WNK1: variants seen among roughly 807,000 people sequenced by gnomAD.
WNK1 encodes serine/threonine-protein kinase WNK1.
A neutral mutation model predicts 222.8 loss-of-function variants in WNK1; 38 were observed. The ratio of observed to expected loss-of-function variants is 0.17; its 90% CI spans 0.13 to 0.22. The LOEUF (loss-of-function observed/expected upper bound fraction) is 0.22. Among genes scored for constraint, WNK1 ranks in the 10% least tolerant of loss-of-function variants. The probability of loss-of-function intolerance (pLI) is 1.00; values close to 1 mark genes in which losing one functional copy is unlikely to be tolerated. For synonymous variants in WNK1, 1,090 were observed against 1,092.9 expected (o/e 1.00, Z 0.05); for missense variants, 2,348 against 2,918.4 (o/e 0.80, Z 4.50).
At chr12:804,553 A>G (rs1477314378) in intron 1 of WNK1, among the ~76,000 whole-genome samples, 1 of 151,880 alleles carries the variant, frequency 6.6e-6, no homozygotes, top group Non-Finnish European at 1.5e-5. Flanking sequence ...TTGTATTTTT[A>G]GTAGAGGTGG....
rs951362540 is a variant in WNK1, at chr12:787,961, A to T, written c.760-25681A>T. On this transcript the variant is annotated intron_variant, in intron 1 of 27. Transcript: ENST00000315939. ...ATATGTAATTTCAAGGAATTAGTTT[A>T]CTTGGTTGTTGGGGCTGGCAAGTCT... Among the ~76,000 whole-genome samples the T allele has an allele frequency of 3.3e-5, 5 of 152,272 alleles. No homozygotes were observed. The South Asian group carries it at 1.0e-3, about 32-fold the overall frequency.
chr12:908,861 G>GGGGGGGGGGGGGGCCCC lies in WNK1; in HGVS notation c.*69_*70insGGGGGGGGGGGGGCCCC. On this transcript the variant is annotated 3_prime_UTR_variant, in exon 28 of 28. Coordinates refer to ENST00000315939, the MANE Select transcript of WNK1 (RefSeq NM_018979.4). ...ATGCTGAGGGGGTGGGTGGGGGTGG[G>GGGGGGGGGGGGGGCCCC]AAGTAGCCTATATACTAACTACTAG... 2.0e-6 allele frequency: 1 copy of GGGGGGGGGGGGGGCCCC among 491,846 alleles called. No homozygotes were observed. Among genetic ancestry groups the GGGGGGGGGGGGGGCCCC allele is most frequent in the East Asian group, 6.0e-5 (1 of 16,748 alleles). 30.5% of individuals were successfully genotyped at this position (491,846 alleles called of 1,614,324 possible).
At chr12:879,402 A>T (rs963501026) in intron 10 of WNK1, among the ~76,000 whole-genome samples, 171 bp from the exon 11 acceptor site, 1 of 149,128 alleles carries the variant, frequency 6.7e-6, no homozygotes, top group Non-Finnish European at 1.5e-5. Context: ...CTTATGTGGC[A>T]TATTAACTTA....
rs1940524955 is a variant in WNK1 at position 758,420 on chromosome 12, G to A, written c.759+4096G>A. 7.2e-5 allele frequency among the ~76,000 whole-genome samples: 7 copies of A among 96,858 alleles called. No homozygotes were observed. The South Asian group carries it at 2.3e-3, about 31-fold the overall frequency. 63.5% of individuals were successfully genotyped at this position (96,858 alleles called of 152,430 possible). A position where few individuals can be genotyped will look rare whatever the true frequency, so the allele number is the denominator to read the frequency against. ...TTTTGAGACGGAGTCTCGCTCTGTCGCCCAGGCCGGACTGCGGACTGCAGT... is the reference window on the plus strand; with the variant it reads ...TTTTGAGACGGAGTCTCGCTCTGTCACCCAGGCCGGACTGCGGACTGCAGT... On this transcript the variant is annotated intron_variant, in intron 1 of 27. Coordinates refer to ENST00000315939, the MANE Select transcript of WNK1 (RefSeq NM_018979.4).
intron 4 of WNK1, among the ~76,000 whole-genome samples, chr12:843,922 C>T (rs149828664): frequency 1.3e-5 from 2 of 152,046 alleles, no homozygotes; most frequent in African/African-American, 4.8e-5. Context: ...GTTCCATGTA[C>T]CTTTATTTGG....
At chr12:864,818 A>G (rs994189489) in intron 8 of WNK1, among the ~76,000 whole-genome samples, 8 of 152,140 alleles carry the variant, frequency 5.3e-5, no homozygotes, top group African/African-American at 1.9e-4. Flanking sequence ...TTAAATTCAT[A>G]CACTTGTAAC....
chr12:864,497 G>A (rs1052325882), intron 8 of WNK1, among the ~76,000 whole-genome samples: 9 of 152,080 alleles, frequency 5.9e-5, no homozygotes, highest in Admixed American at 3.3e-4. Flanking sequence ...ATCCAGTTGT[G>A]AATTTCTTCT....
chr12:902,905 A>G (rs1955389233), intron 26 of WNK1, among the ~76,000 whole-genome samples: 1 of 152,254 alleles, frequency 6.6e-6, no homozygotes, highest in South Asian at 2.1e-4. Flanking sequence ...TATAATTTGA[A>G]TAAAGATCTT....
chr12:824,021 C>G (rs1179129313), intron 2 of WNK1, among the ~76,000 whole-genome samples: 1 of 151,474 alleles, frequency 6.6e-6, no homozygotes, highest in Non-Finnish European at 1.5e-5. Context: ...ATTCTCCAAC[C>G]TCAGCCTCCC....
intron 1 of WNK1, among the ~76,000 whole-genome samples, chr12:765,129 C>T (rs1396982825): frequency 6.8e-6 from 1 of 148,070 alleles, no homozygotes; most frequent in African/African-American, 2.4e-5. Flanking sequence ...TGCGTCCAGC[C>T]TTTATGTGGC....
intron 23 of WNK1, among the ~76,000 whole-genome samples, chr12:895,224 C>T (rs1331045290): frequency 6.6e-6 from 1 of 152,120 alleles, no homozygotes; most frequent in Non-Finnish European, 1.5e-5. Context: ...CATTTGTAAA[C>T]AGGTCCTGAA....
intron 26 of WNK1, among the ~76,000 whole-genome samples, chr12:905,130 T>A (rs963723940): frequency 6.6e-6 from 1 of 152,124 alleles, no homozygotes; most frequent in Admixed American, 6.5e-5. Context: ...AAATGAATCT[T>A]GGGGGTAAGT....
chr12:776,404 T>TTGTTTGTG (rs1943087729), intron 1 of WNK1, among the ~76,000 whole-genome samples: 1 of 56,446 alleles, frequency 1.8e-5, no homozygotes, highest in Non-Finnish European at 3.7e-5. Context: ...CTGTGTGTGT[T>TTGTTTGTG]TGTGTGTTTG....
chr12:835,315 A>G (rs1949097911), intron 4 of WNK1, among the ~76,000 whole-genome samples: 1 of 152,000 alleles, frequency 6.6e-6, no homozygotes, highest in African/African-American at 2.4e-5. Context: ...TCGAGCCTGG[A>G]CAATAGAGTG....
intron 4 of WNK1, among the ~76,000 whole-genome samples, chr12:855,079 A>G (rs906653668): frequency 2.6e-5 from 4 of 152,208 alleles, no homozygotes; most frequent in Admixed American, 2.6e-4. Flanking sequence ...AGTGTGTGGC[A>G]TTCATTTTTT....
chr12:844,637 C>G (rs1949886530), intron 4 of WNK1, among the ~76,000 whole-genome samples: 1 of 152,124 alleles, frequency 6.6e-6, no homozygotes, highest in African/African-American at 2.4e-5. Context: ...TAATTCTGCA[C>G]TGTCCATTAC....
chr12:795,052 A>C (rs1945177837), intron 1 of WNK1, among the ~76,000 whole-genome samples: 1 of 152,180 alleles, frequency 6.6e-6, no homozygotes, highest in Admixed American at 6.6e-5. Context: ...ATGCCTGGCC[A>C]AGATACTGTC....
Position 753,796 on chromosome 12 carries a change from C to T in WNK1, c.231C>T (p.His77=). The change falls in exon 1 of 28, where the codon CAC becomes CAT. Residue 77 remains histidine, a synonymous_variant. Coordinates refer to ENST00000315939, the MANE Select transcript of WNK1 (RefSeq NM_018979.4). The surrounding 1 kb of genome is among the most constrained non-coding windows in gnomAD (Gnocchi z 5.2). ...CCGCGACCACTACCACCACTGAGCA[C>T]CGCTTCTTCCGCCGGAGCGTCATCT... ...GAAATTTTTE[H]RFFRRSVICD... is the part of the protein sequence containing the mutation. The T allele has an allele frequency of 6.2e-7, 1 of 1,612,694 alleles. No homozygotes were observed. Among genetic ancestry groups the T allele is most frequent in the South Asian group, 1.1e-5 (1 of 91,084 alleles).
intron 1 of WNK1, among the ~76,000 whole-genome samples, chr12:765,121 C>A (rs955430606): frequency 6.8e-6 from 1 of 148,070 alleles, no homozygotes; most frequent in African/African-American, 2.4e-5. Context: ...TGAGCCACTG[C>A]GTCCAGCCTT....
Sources: allele counts gnomAD v4.1 joint callset (sites outside exome capture counted in the v4.1 genomes callset), GRCh38; gene constraint gnomAD v4.1.1; non-coding constraint Gnocchi (gnomAD v3.1); transcripts MANE v1.5; gene names NCBI Gene and HGNC (gene_info 2026-07-23, HGNC 2026-07-21).